NR6A1: variants seen among roughly 807,000 people sequenced by gnomAD.
NR6A1 encodes the protein nuclear receptor subfamily 6 group A member 1.
Under a neutral mutation model 59.1 loss-of-function variants are expected in NR6A1, and 7 were observed. The ratio of observed to expected loss-of-function variants is 0.12; its 90% confidence interval spans 0.07 to 0.22. The LOEUF (loss-of-function observed/expected upper bound fraction) is 0.22. Among genes scored for constraint, NR6A1 ranks in the 10% least tolerant of loss-of-function variants. The pLI is 1.00. For missense variants in NR6A1, 468 were observed against 611.6 expected (o/e 0.77, Z 2.48); for synonymous variants, 243 against 236.1 (o/e 1.03, Z -0.27).
In NR6A1 at chr9:124,680,469, T is replaced by G. The variant is rs140021755; in HGVS notation, c.142+52839A>C. Among the ~76,000 whole-genome samples, 975 of 152,178 alleles carry G rather than the reference T, an allele frequency of 6.4e-3. 14 individuals carry two copies. The highest frequency in any genetic ancestry group is 0.022 in the African/African-American group (896 of 41,486). On this transcript the variant is annotated intron_variant, in intron 2 of 9. Coordinates refer to ENST00000487099, the MANE Select transcript of NR6A1 (RefSeq NM_033334.4). The stretch of plus-strand genomic sequence containing the variant: ...CAGAAAATACATAGTGTTTACAGTA[T>G]GAACACACACAAAAAAAACGGAGTG...
intron 2 of NR6A1, among the ~76,000 whole-genome samples, chr9:124,662,829 T>C (rs1277732210): frequency 5.3e-5 from 8 of 152,222 alleles, no homozygotes; most frequent in Non-Finnish European, 8.8e-5. Flanking sequence ...TTCAGTCTTA[T>C]ACTTAGGGAT....
chr9:124,605,850 C>T lies in NR6A1; in HGVS notation c.143-51280G>A, dbSNP rs1411716416. Among the ~76,000 whole-genome samples, 3 of 152,028 alleles carry T rather than the reference C, an allele frequency of 2.0e-5. No homozygotes were observed. The East Asian group carries it at 5.8e-4, about 29-fold the overall frequency. On this transcript the variant is annotated intron_variant, in intron 2 of 9. Transcript: ENST00000487099. ...AAAGCACACAAACAAATCTTGAATC[C>T]ATCTATTTGTTTCTGTCATCACTCT...
At chr9:124,582,663 G>A (rs1170049887) in intron 2 of NR6A1, among the ~76,000 whole-genome samples, 1 of 152,260 alleles carries the variant, frequency 6.6e-6, no homozygotes, top group East Asian at 1.9e-4. Flanking sequence ...AAGGTGGAAG[G>A]ACTGCTTGAG....
chr9:124,529,174 T>C (rs1341594183), intron 7 of NR6A1, among the ~76,000 whole-genome samples: 2 of 152,238 alleles, frequency 1.3e-5, no homozygotes, highest in Non-Finnish European at 2.9e-5. Flanking sequence ...GATACATTCA[T>C]ATTGAATAAC....
At chr9:124,527,049 G>C in intron 7 of NR6A1, 149 bp from the exon 8 acceptor site, 1 of 946,432 alleles carries the variant, frequency 1.1e-6, no homozygotes, top group East Asian at 2.6e-5. Flanking sequence ...GCAGATCCAT[G>C]CTTTGTCTAC....
chr9:124,708,789 C>T (rs933834483), intron 2 of NR6A1, among the ~76,000 whole-genome samples: 1 of 152,166 alleles, frequency 6.6e-6, no homozygotes, highest in Non-Finnish European at 1.5e-5. Context: ...CAGTTAGGTA[C>T]TCAAATAGGT....
chr9:124,535,882 G>A lies in NR6A1; in HGVS notation c.1075C>T (p.His359Tyr). The A allele has an allele frequency of 1.2e-6, 2 of 1,614,200 alleles. No homozygotes were observed. Among genetic ancestry groups the A allele is most frequent in the Middle Eastern group, 1.6e-4 (1 of 6,062 alleles). Reference sequence around the variant, plus strand: ...TCCCCAGCCAGGAGGCCTCACCTGTGTAGTTCTTCATCGGAGGGCGAGTAC... The same window carrying A: ...TCCCCAGCCAGGAGGCCTCACCTGTATAGTTCTTCATCGGAGGGCGAGTAC... The part of the protein sequence containing the change: ...AKYSPSDEEL[H>Y]RFSDEGMEVI... The change falls in exon 7 of 10, where the codon CAC becomes TAC. Residue 359 changes from histidine to tyrosine, a missense_variant. His to Tyr is a moderately conservative substitution (Grantham distance 83). Around this residue, in one of 4 missense-constraint regions of NR6A1, gnomAD observed 176 missense variants for 264.0 expected, o/e 0.67. Transcript: ENST00000487099.
intron 2 of NR6A1, among the ~76,000 whole-genome samples, chr9:124,700,164 A>G (rs896831615): frequency 2.7e-5 from 4 of 149,680 alleles, no homozygotes; most frequent in Non-Finnish European, 4.4e-5. Flanking sequence ...GACATTTCAT[A>G]TAGGAGAAAT....
intron 2 of NR6A1, among the ~76,000 whole-genome samples, chr9:124,563,329 G>A (rs1351253369): frequency 2.6e-5 from 4 of 152,184 alleles, no homozygotes; most frequent in Non-Finnish European, 2.9e-5. Context: ...TGATGTGCAA[G>A]TGTGCAGTGG....
At chr9:124,532,366 T>C (rs1371456651) in intron 7 of NR6A1, among the ~76,000 whole-genome samples, 1 of 152,234 alleles carries the variant, frequency 6.6e-6, no homozygotes, top group Non-Finnish European at 1.5e-5. Context: ...TCCCTGACCC[T>C]GTGAACAGAC....
At chr9:124,554,007 C>T (rs1283278689) in intron 3 of NR6A1, among the ~76,000 whole-genome samples, 2 of 152,182 alleles carry the variant, frequency 1.3e-5, no homozygotes, top group East Asian at 1.9e-4. Flanking sequence ...CATGCCTTTT[C>T]ATCCAAAAAT....
chr9:124,632,456 T>C (rs1836474476), intron 2 of NR6A1, among the ~76,000 whole-genome samples: 1 of 152,232 alleles, frequency 6.6e-6, no homozygotes, highest in Non-Finnish European at 1.5e-5. Flanking sequence ...CTTGGCCACA[T>C]GTATGTCTTT....
intron 2 of NR6A1, chr9:124,698,416 G>C (rs1838833283): frequency 1.3e-5 from 2 of 152,154 alleles, no homozygotes; most frequent in Admixed American, 1.3e-4. Flanking sequence ...CAGCTGCAGG[G>C]ATAGTAGAAA....
intron 1 of NR6A1, among the ~76,000 whole-genome samples, chr9:124,751,451 T>G (rs1426912678): frequency 6.6e-6 from 1 of 152,232 alleles, no homozygotes; most frequent in African/African-American, 2.4e-5. Context: ...AACTCCTGGC[T>G]GGAAGTCCTC....
chr9:124,770,230 G>C (rs1841086315), intron 1 of NR6A1: 1 of 152,510 alleles, frequency 6.6e-6, no homozygotes, highest in South Asian at 2.1e-4. Flanking sequence ...CCCTCGGCCA[G>C]GGAAAGCCGT....
chr9:124,585,342 C>T (rs1028727405), intron 2 of NR6A1, among the ~76,000 whole-genome samples: 2 of 152,106 alleles, frequency 1.3e-5, no homozygotes, highest in African/African-American at 4.8e-5. Flanking sequence ...AGATCGAGAC[C>T]ATCCTGGCTA....
At chr9:124,644,809 A>C (rs1836885500) in intron 2 of NR6A1, among the ~76,000 whole-genome samples, 1 of 152,298 alleles carries the variant, frequency 6.6e-6, no homozygotes, top group Admixed American at 6.5e-5. Flanking sequence ...GGACCCTCCA[A>C]GCACTAGCCA....
intron 2 of NR6A1, among the ~76,000 whole-genome samples, chr9:124,651,068 CTTTTT>C (rs1279938349): frequency 6.6e-6 from 1 of 151,932 alleles, no homozygotes. Flanking sequence ...TTTTGTTTTT[CTTTTT>C]GAGACAGAGT....
intron 1 of NR6A1, among the ~76,000 whole-genome samples, chr9:124,756,706 G>T (rs1412819740): frequency 6.6e-6 from 1 of 152,174 alleles, no homozygotes; most frequent in African/African-American, 2.4e-5. Context: ...AATTCTCTCT[G>T]CATGTACTTA....
Sources: gnomAD v4.1 joint callset for allele counts (sites outside exome capture counted in the v4.1 genomes callset) on GRCh38, gnomAD v4.1.1 for gene constraint, gnomAD v4.1.1 regional missense constraint, MANE v1.5 for transcripts, NCBI Gene and HGNC (gene_info 2026-07-23, HGNC 2026-07-21) for gene names.